PALLD: variants seen among roughly 807,000 people sequenced by gnomAD.
PALLD encodes the protein palladin, cytoskeletal associated protein.
Under a neutral mutation model 123.5 loss-of-function variants are expected in PALLD, and 61 were observed. The ratio of observed to expected loss-of-function variants is 0.49; its 90% CI spans 0.40 to 0.61. The LOEUF is 0.61. Ranked by LOEUF, PALLD falls within the 20% of genes least tolerant of loss-of-function variation. The probability of loss-of-function intolerance (pLI) is 0.00; values close to 1 mark genes in which losing one functional copy is unlikely to be tolerated. For synonymous variants in PALLD, 465 were observed against 496.4 expected (o/e 0.94, Z 0.84); for missense variants, 1,273 against 1,377.0 (o/e 0.92, Z 1.20).
intron 10 of PALLD, among the ~76,000 whole-genome samples, chr4:168,760,810 A>G (rs1224458845): frequency 6.6e-6 from 1 of 152,174 alleles, no homozygotes; most frequent in African/African-American, 2.4e-5. Flanking sequence ...AAACCTAGAC[A>G]CTTATGCCTA....
Position 168,719,108 on chromosome 4 carries a change from A to G in PALLD, c.1964+7185A>G, listed in dbSNP as rs567363054. Among the ~76,000 whole-genome samples the G allele has an allele frequency of 2.0e-4, 31 of 151,804 alleles. No individual in the cohort carries two copies. The East Asian group carries it at 5.8e-3, about 29-fold the overall frequency. ...TTTTTAGTAGAGACGGGGTTTCACC[A>G]TGTTGGTCAGGCTGGTCTCAAACTC... On this transcript the variant is annotated intron_variant, in intron 10 of 21. Transcript: ENST00000505667.
At chr4:168,557,275 C>T (rs1454993374) in intron 2 of PALLD, among the ~76,000 whole-genome samples, 7 of 152,082 alleles carry the variant, frequency 4.6e-5, no homozygotes, top group Non-Finnish European at 1.0e-4. Context: ...AACTCGTGAC[C>T]TCAGGTGATC....
At chr4:168,567,529 A>G (rs1768518433) in intron 2 of PALLD, among the ~76,000 whole-genome samples, 1 of 139,764 alleles carries the variant, frequency 7.2e-6, no homozygotes, top group Non-Finnish European at 1.6e-5. Context: ...GGTTGATTGG[A>G]TAAAGAAAAT....
intron 8 of PALLD, among the ~76,000 whole-genome samples, chr4:168,692,661 A>G (rs1782740163): frequency 1.3e-5 from 2 of 152,218 alleles, no homozygotes; most frequent in Admixed American, 6.5e-5. Context: ...ATAGCTTTTT[A>G]TGTGAAACAA....
chr4:168,549,428 A>G (rs983014753), intron 2 of PALLD, among the ~76,000 whole-genome samples: 4 of 152,234 alleles, frequency 2.6e-5, no homozygotes, highest in Admixed American at 2.6e-4. Flanking sequence ...AACAGTTTAT[A>G]TATTTAAATG....
chr4:168,755,212 G>GAC lies in PALLD; in HGVS notation c.1964+43290_1964+43291insCA, dbSNP rs1731655451. On this transcript the variant is annotated intron_variant, in intron 10 of 21. Coordinates refer to ENST00000505667, the MANE Select transcript of PALLD (RefSeq NM_001166108.2). ...TGCACCACTGCACTCCAGCCTGGGCGAGAGAGCAAGACTCCGTCTCAAAAA... is the reference window on the plus strand; with the variant it reads ...TGCACCACTGCACTCCAGCCTGGGCGACAGAGAGCAAGACTCCGTCTCAAAAA... Among the ~76,000 whole-genome samples the GAC allele has an allele frequency of 2.1e-5, 3 of 146,194 alleles. No individual in the cohort carries two copies. In the Admixed American group the frequency reaches 2.1e-4, roughly 10 times the overall value.
At chr4:168,765,756 A>C (rs1733576866) in intron 10 of PALLD, among the ~76,000 whole-genome samples, 1 of 152,198 alleles carries the variant, frequency 6.6e-6, no homozygotes. Context: ...ACATTCTTTT[A>C]AGTGTAGATT....
chr4:168,605,685 G>A (rs970280927), intron 2 of PALLD, among the ~76,000 whole-genome samples: 5 of 152,094 alleles, frequency 3.3e-5, no homozygotes, highest in East Asian at 1.9e-4. Context: ...GCGGACCAGC[G>A]GCTAGCATGT....
chr4:168,522,900 C>A (rs1232404649), intron 2 of PALLD, among the ~76,000 whole-genome samples: 1 of 151,996 alleles, frequency 6.6e-6, no homozygotes, highest in Non-Finnish European at 1.5e-5. Context: ...CTTTTCCTGG[C>A]CAAAAATAAT....
intron 10 of PALLD, among the ~76,000 whole-genome samples, chr4:168,867,807 C>A (rs1224017684): frequency 1.3e-5 from 2 of 151,768 alleles, no homozygotes; most frequent in African/African-American, 4.8e-5. Context: ...CCCTGTGTCT[C>A]CATCTACATA....
intron 2 of PALLD, among the ~76,000 whole-genome samples, chr4:168,550,875 T>C (rs933447879): frequency 6.6e-6 from 1 of 152,238 alleles, no homozygotes; most frequent in African/African-American, 2.4e-5. Flanking sequence ...TACTTGTCAT[T>C]ATTTTTGGAA....
At chr4:168,827,779 A>G (rs1169572972) in intron 10 of PALLD, among the ~76,000 whole-genome samples, 1 of 152,230 alleles carries the variant, frequency 6.6e-6, no homozygotes, top group African/African-American at 2.4e-5. Flanking sequence ...GCGGTGGCTC[A>G]TGCCTGTAAT....
chr4:168,773,565 G>A (rs1035267672), intron 10 of PALLD, among the ~76,000 whole-genome samples: 1 of 152,190 alleles, frequency 6.6e-6, no homozygotes, highest in Non-Finnish European at 1.5e-5. Flanking sequence ...GGTGAGAAAA[G>A]TGAGGCAGAC....
At chr4:168,831,410 C>CT (rs1244806949) in intron 10 of PALLD, among the ~76,000 whole-genome samples, 1 of 152,200 alleles carries the variant, frequency 6.6e-6, no homozygotes, top group African/African-American at 2.4e-5. Context: ...ATGCTTTACT[C>CT]TTCTCACCCT....
chr4:168,724,390 G>T (rs955678996), intron 10 of PALLD, among the ~76,000 whole-genome samples: 59 of 152,186 alleles, frequency 3.9e-4, no homozygotes, highest in African/African-American at 1.4e-3. Flanking sequence ...GAGAACATTA[G>T]TTACAGGGAG....
intron 2 of PALLD, among the ~76,000 whole-genome samples, chr4:168,642,961 G>A (rs1010512109): frequency 2.6e-5 from 4 of 152,206 alleles, no homozygotes; most frequent in Non-Finnish European, 5.9e-5. Flanking sequence ...TGAGAAGACA[G>A]CAAAGTATTT....
At chr4:168,829,468 G>A (rs1743892028) in intron 10 of PALLD, among the ~76,000 whole-genome samples, 1 of 152,088 alleles carries the variant, frequency 6.6e-6, no homozygotes, top group Non-Finnish European at 1.5e-5. Context: ...TATTCTTTCT[G>A]CTCTTTATGT....
chr4:168,904,855 A>G (rs1444600534), intron 15 of PALLD, among the ~76,000 whole-genome samples: 2 of 152,128 alleles, frequency 1.3e-5, no homozygotes, highest in African/African-American at 4.8e-5. Context: ...GCCCAGGTGC[A>G]GTGGCTCACA....
At chr4:168,741,649 G>A (rs1030752409) in intron 10 of PALLD, among the ~76,000 whole-genome samples, 3 of 152,002 alleles carry the variant, frequency 2.0e-5, no homozygotes, top group African/African-American at 4.8e-5. Context: ...GTGTCACTGC[G>A]CTCCAGCCTA....
Sources: gnomAD v4.1 joint callset for allele counts (sites outside exome capture counted in the v4.1 genomes callset) on GRCh38, gnomAD v4.1.1 for gene constraint, MANE v1.5 for transcripts, NCBI Gene and HGNC (gene_info 2026-07-23, HGNC 2026-07-21) for gene names.